The following STARD6 variants were observed in gnomAD, a reference collection of about 807,000 sequenced individuals.
STARD6 encodes stAR-related lipid transfer protein 6.
A neutral mutation model predicts 22.3 loss-of-function variants in STARD6; 21 were observed. That is an observed-to-expected ratio of 0.94 (90% CI 0.67 to 1.35). The LOEUF is 1.35. Among genes scored for constraint, STARD6 ranks in the 40% most tolerant of loss-of-function variants. The pLI, the probability that STARD6 is intolerant of heterozygous loss-of-function variation, is 0.00. For missense variants in STARD6, 269 were observed against 266.9 expected, an observed-to-expected ratio of 1.01 and a Z score of -0.05; for synonymous variants, 80 against 88.1, an observed-to-expected ratio of 0.91 and a Z score of 0.52.
intron 4 of STARD6, among the ~76,000 whole-genome samples, chr18:54,342,089 T>C (rs1164717421): frequency 1.3e-5 from 2 of 151,712 alleles, no homozygotes; most frequent in African/African-American, 4.8e-5. Context: ...ATAAAAAGGG[T>C]TGTAAGAGAA....
rs980871751 is a variant in STARD6, at chr18:54,331,740, A to T, written c.385+2T>A. On this transcript the variant is annotated splice_donor_variant, in intron 6 of 7. Transcript: ENST00000307844. LOFTEE classifies it high-confidence loss of function. ...AGATATGGGCAAAATGTTTCAACTT[A>T]CAACTGATAATGTTCATATTTCCTT... 29 of 1,598,912 alleles carry T rather than the reference A, an allele frequency of 1.8e-5. No homozygotes were observed. The highest frequency in any genetic ancestry group is 2.4e-5 in the Non-Finnish European group (28 of 1,169,006).
At chr18:54,345,000 T>A (rs1169208271) in intron 4 of STARD6, among the ~76,000 whole-genome samples, 1 of 152,184 alleles carries the variant, frequency 6.6e-6, no homozygotes, top group Non-Finnish European at 1.5e-5. Flanking sequence ...GACAAGGATG[T>A]CCACTCTTGT....
intron 4 of STARD6, among the ~76,000 whole-genome samples, chr18:54,348,495 A>G (rs572471843): frequency 2.5e-4 from 38 of 152,300 alleles, no homozygotes; most frequent in Non-Finnish European, 4.9e-4. Context: ...ACAGCCTTTG[A>G]GGTAAAGTCT....
chr18:54,325,068 T>C lies in STARD6; in HGVS notation c.480-193A>G, dbSNP rs539439950. 2.0e-5 allele frequency among the ~76,000 whole-genome samples: 3 copies of C among 152,262 alleles called. No homozygotes were observed. The South Asian group carries it at 6.2e-4, about 32-fold the overall frequency. ...AGGCACCATTTCCTTTTTGTCATTT[T>C]ATTGACTTTAAAAAATTCTAACAGT... On this transcript the variant is annotated intron_variant, in intron 7 of 7. Coordinates refer to ENST00000307844, the MANE Select transcript of STARD6 (RefSeq NM_139171.2).
intron 4 of STARD6, among the ~76,000 whole-genome samples, chr18:54,339,096 G>A (rs1171500967): frequency 3.5e-5 from 3 of 85,258 alleles, no homozygotes; most frequent in Non-Finnish European, 2.4e-5. Flanking sequence ...AGCAATGATT[G>A]TAAATATGTT....
rs1412924950 is a variant in STARD6, at chr18:54,324,809, T to C, written c.546A>G (p.Ser182=). The C allele has an allele frequency of 4.4e-6, 7 of 1,606,932 alleles. No homozygotes were observed. In the South Asian group the frequency reaches 7.8e-5, roughly 18 times the overall value. Reference sequence around the variant, plus strand: ...TGGAAGGCATGGTTTTTTCAATTATTGATGGGGACAATTTTCCTCTCATTT... The same window carrying C: ...TGGAAGGCATGGTTTTTTCAATTATCGATGGGGACAATTTTCCTCTCATTT... ...QTEMRGKLSP[S]IIEKTMPSNL... is the part of the protein sequence containing the mutation. Residue 182 remains serine (S), a synonymous_variant, in exon 8 of 8, where the codon TCA becomes TCG. Coordinates refer to ENST00000307844, the MANE Select transcript of STARD6 (RefSeq NM_139171.2).
Position 54,337,208 on chromosome 18 carries a change from A to T in STARD6, c.184T>A (p.Ser62Thr), listed in dbSNP as rs745467459. Residue 62 changes from serine to threonine, a missense_variant, in exon 5 of 8, where the codon TCT becomes ACT. By Grantham distance (58) the Ser-to-Thr change is moderately conservative (BLOSUM62 1). Transcript: ENST00000307844. ...GIIPESPAKLSDFLYQTGDRI... is the reference protein window; with the variant it reads ...GIIPESPAKLTDFLYQTGDRI... ...TCTCCAGTTTGGTAGAGGAAATCAG[A>T]TAGTTTAGCTGGTGATTCTGGAATT... 1 of 1,613,532 alleles carries T rather than the reference A, an allele frequency of 6.2e-7. No homozygotes were observed. Among genetic ancestry groups the T allele is most frequent in the South Asian group, 1.1e-5 (1 of 91,040 alleles).
rs1318436579 is a variant in STARD6 at position 54,342,417 on chromosome 18, C to CTCTCCG, written c.141-5172_141-5167dup. Among the ~76,000 whole-genome samples, 17 of 116,736 alleles carry CTCTCCG rather than the reference C, an allele frequency of 1.5e-4. 1 individual carries two copies. The highest frequency in any genetic ancestry group is 5.6e-4 in the African/African-American group (17 of 30,268). 76.6% of individuals were successfully genotyped at this position (116,736 alleles called of 152,430 possible). A position where few individuals can be genotyped will look rare whatever the true frequency, so the allele number is the denominator to read the frequency against. On this transcript the variant is annotated intron_variant, in intron 4 of 7. Coordinates refer to ENST00000307844, the MANE Select transcript of STARD6 (RefSeq NM_139171.2). ...CAGATAAAGATATCATAAGAAAATG[C>CTCTCCG]TCTCCGTCTCCCTCTCCCTCTCCCT...
chr18:54,344,583 T>TA (rs55736082), intron 4 of STARD6, among the ~76,000 whole-genome samples: 8,376 of 94,022 alleles, frequency 0.089, 932 homozygotes, highest in African/African-American at 0.26. Context: ...AAAAATAAAT[T>TA]AAAAAAAAAA....
At position 54,324,634 on chromosome 18, in the gene STARD6, C is replaced by CAGCAATA; in HGVS notation, c.*51_*57dup. 12 of 1,537,516 alleles carry CAGCAATA rather than the reference C, an allele frequency of 7.8e-6. No homozygotes were observed. Among genetic ancestry groups the CAGCAATA allele is most frequent in the Non-Finnish European group, 9.8e-6 (11 of 1,120,492 alleles). On this transcript the variant is annotated 3_prime_UTR_variant, in exon 8 of 8. Transcript: ENST00000307844. ...TTATGTGCGTTGACTTAGAAGTAAA[C>CAGCAATA]AGCAATAACTACTACACATGATTTT...
chr18:54,324,865 A>C lies in STARD6; in HGVS notation c.490T>G (p.Tyr164Asp). The C allele has an allele frequency of 6.5e-7, 1 of 1,542,680 alleles. No individual in the cohort carries two copies. The highest frequency in any genetic ancestry group is 8.7e-7 in the Non-Finnish European group (1 of 1,151,706). The change falls in exon 8 of 8, where the codon TAT (tyrosine) becomes GAT (aspartate). Residue 164 changes from tyrosine to aspartate, a missense_variant. Physicochemically the swap from Tyr to Asp is radical, Grantham distance 160. Coordinates refer to ENST00000307844, the MANE Select transcript of STARD6 (RefSeq NM_139171.2). ...VCSPMEENPA[Y>D]SKLVMFVQTE... ...TGGACAAACATCACTAGTTTGGAAT[A>C]TGCTGGGTTTCTGTAAGCAAAAGAA...
intron 4 of STARD6, among the ~76,000 whole-genome samples, chr18:54,342,461 CT>C (rs1228315525): frequency 1.5e-4 from 19 of 125,998 alleles, no homozygotes; most frequent in Middle Eastern, 3.9e-3. Context: ...CCCTCTCCCT[CT>C]CCCTCCCTCT....
Position 54,357,840 on chromosome 18 carries a change from C to T in STARD6, c.-137G>A, listed in dbSNP as rs2089171988. 1 of 152,394 alleles carries T rather than the reference C, an allele frequency of 6.6e-6. No homozygotes were observed. The highest frequency in any genetic ancestry group is 2.4e-5 in the African/African-American group (1 of 41,474). 9.4% of individuals were successfully genotyped at this position (152,394 alleles called of 1,614,324 possible). ...ACGCTCAACAGCATCCTCTCTTCTC[C>T]GGCCGCTCCCTCATCTCCGCTCGCG... is the stretch of plus-strand genomic sequence containing the variant. On this transcript the variant is annotated 5_prime_UTR_variant, in exon 1 of 8. Coordinates refer to ENST00000307844, the MANE Select transcript of STARD6 (RefSeq NM_139171.2).
chr18:54,328,854 C>T (rs2088844714), intron 7 of STARD6, among the ~76,000 whole-genome samples: 2 of 152,158 alleles, frequency 1.3e-5, no homozygotes, highest in South Asian at 4.1e-4. Flanking sequence ...TGACTCATCT[C>T]TGATTTCTTC....
At position 54,354,120 on chromosome 18, in the gene STARD6, A is replaced by G; in HGVS notation, c.91-17T>C. 6.6e-7 allele frequency: 1 copy of G among 1,508,584 alleles called. No individual in the cohort carries two copies. The highest frequency in any genetic ancestry group is 9.0e-7 in the Non-Finnish European group (1 of 1,110,600). The allele number at this position is 1,508,584 out of a possible 1,614,324, so 93.4% of individuals were successfully genotyped here. ...TATCTTTTTCTCAAAGGGGAATAAAAATCCACAAATAATTAGCTGTCAAAT... is the reference window on the plus strand; with the variant it reads ...TATCTTTTTCTCAAAGGGGAATAAAGATCCACAAATAATTAGCTGTCAAAT... On this transcript the variant is annotated splice_polypyrimidine_tract_variant and intron_variant, in intron 3 of 7. Transcript: ENST00000307844.
At chr18:54,338,574 G>A (rs190735462) in intron 4 of STARD6, among the ~76,000 whole-genome samples, 16 of 152,092 alleles carry the variant, frequency 1.1e-4, no homozygotes, top group Admixed American at 6.5e-4. Context: ...ACAAACCCAG[G>A]ATGGGTGGAT....
chr18:54,327,556 A>C (rs1041692249), intron 7 of STARD6, among the ~76,000 whole-genome samples: 46 of 152,224 alleles, frequency 3.0e-4, no homozygotes, highest in Admixed American at 2.9e-3. Context: ...TATGGTATTT[A>C]TAATCTACTG....
chr18:54,356,332 C>T (rs753720247), intron 2 of STARD6, 29 bp downstream of exon 2: 2 of 152,364 alleles, frequency 1.3e-5, no homozygotes, highest in Admixed American at 6.5e-5. Context: ...ATAACCTCCT[C>T]TTTCCTAGCA....
intron 4 of STARD6, among the ~76,000 whole-genome samples, chr18:54,346,586 T>C (rs1250294728): frequency 2.0e-5 from 3 of 152,052 alleles, no homozygotes; most frequent in Non-Finnish European, 2.9e-5. Context: ...TAAAAATATA[T>C]GTCCACACAA....
Sources: gnomAD v4.1 joint callset for allele counts (sites outside exome capture counted in the v4.1 genomes callset) on GRCh38, gnomAD v4.1.1 for gene constraint, MANE v1.5 for transcripts, NCBI Gene and HGNC (gene_info 2026-07-23, HGNC 2026-07-21) for gene names.